PCIF1: variants seen among roughly 807,000 people sequenced by gnomAD.
PCIF1 encodes phosphorylated CTD interacting factor 1.
In PCIF1, 12 loss-of-function variants were observed where a neutral mutation model predicts 86.9. That is an observed-to-expected ratio of 0.14 (90% CI 0.09 to 0.22). PCIF1 has a LOEUF of 0.22. PCIF1 is among the 10% of genes least tolerant of loss of function. The probability of loss-of-function intolerance (pLI) is 1.00; values close to 1 mark genes in which losing one functional copy is unlikely to be tolerated. For synonymous variants in PCIF1, 397 were observed against 372.0 expected, an observed-to-expected ratio of 1.07 and a Z score of -0.77; for missense variants, 701 against 951.1, an observed-to-expected ratio of 0.74 and a Z score of 3.46.
rs1417776322 is a variant in PCIF1 at position 45,943,051 on chromosome 20, A to C, written c.674-46A>C. 4 of 1,590,324 alleles carry C rather than the reference A, an allele frequency of 2.5e-6. 1 individual carries two copies. The highest frequency in any genetic ancestry group is 3.4e-6 in the Non-Finnish European group (4 of 1,162,858). Reference sequence around the variant, plus strand: ...CTATACGTGCCAAGCTCCAAGTGGGACTGCTTGATTAAATCCAGGCCTTCA... The same window carrying C: ...CTATACGTGCCAAGCTCCAAGTGGGCCTGCTTGATTAAATCCAGGCCTTCA... On this transcript the variant is annotated intron_variant, in intron 7 of 16. Transcript: ENST00000372409. This position sits in a 1 kb window ranked among gnomAD's most constrained non-coding sequence, Gnocchi z 5.5.
chr20:45,936,759 C>T (rs536917458), intron 1 of PCIF1, among the ~76,000 whole-genome samples: 3 of 152,092 alleles, frequency 2.0e-5, no homozygotes, highest in South Asian at 2.1e-4. Context: ...GGTGAAATCC[C>T]GTCTCTACTA....
Position 45,941,315 on chromosome 20 carries a change from A to G in PCIF1, c.673+108A>G, listed in dbSNP as rs1213794094. On this transcript the variant is annotated intron_variant, in intron 7 of 16. Coordinates refer to ENST00000372409, the MANE Select transcript of PCIF1 (RefSeq NM_022104.4). ...GCGGAGTGGGGCCCAGTGGTGAGCC[A>G]TGATCACACCAGTGCACTCCAGCCT... 1.7e-5 allele frequency: 22 copies of G among 1,332,186 alleles called. No individual in the cohort carries two copies. In the Middle Eastern group the frequency reaches 1.4e-3, roughly 83 times the overall value. 82.5% of individuals were successfully genotyped at this position (1,332,186 alleles called of 1,614,324 possible). A position where few individuals can be genotyped will look rare whatever the true frequency, so the allele number is the denominator to read the frequency against.
intron 2 of PCIF1, among the ~76,000 whole-genome samples, chr20:45,938,192 T>G (rs979907267): frequency 6.6e-6 from 1 of 152,242 alleles, no homozygotes; most frequent in Non-Finnish European, 1.5e-5. Flanking sequence ...GGAACTGGCC[T>G]CCTTGCTGGT....
rs1393891637 is a variant in PCIF1, at chr20:45,944,903, C to G, written c.1041C>G (p.Pro347=). 8 of 1,614,116 alleles carry G rather than the reference C, an allele frequency of 5.0e-6. No individual in the cohort carries two copies. The Admixed American group carries it at 1.3e-4, about 27-fold the overall frequency. The change falls in exon 11 of 17, where the codon CCC becomes CCG. Residue 347 remains proline (P), a synonymous_variant. Transcript: ENST00000372409. ...AGCATCTGCGGAGGCAGTGTGGCCC[C>G]CACGTCTCGGCCGCAGCCAAGGACT... The part of the protein sequence containing the change: ...RLEHLRRQCG[P]HVSAAAKDSV...
intron 14 of PCIF1, 48 bp downstream of exon 14, chr20:45,946,432 C>A: frequency 6.3e-7 from 1 of 1,588,288 alleles, no homozygotes; most frequent in Non-Finnish European, 8.6e-7. Context: ...AAGAGGTCCT[C>A]CAGAGCACAG....
rs1388941075 is a variant in PCIF1 at position 45,945,771 on chromosome 20, C to T, written c.1229C>T (p.Ala410Val). 3.7e-6 allele frequency: 6 copies of T among 1,613,956 alleles called. No homozygotes were observed. The highest frequency in any genetic ancestry group is 5.1e-6 in the Non-Finnish European group (6 of 1,180,034). The change falls in exon 12 of 17, where the codon GCT (alanine) becomes GTT (valine). Residue 410 changes from alanine (A) to valine (V), a missense_variant. This residue lies in a region of PCIF1 where 121 missense variants were observed against 131.7 expected (regional missense o/e 0.92). Coordinates refer to ENST00000372409, the MANE Select transcript of PCIF1 (RefSeq NM_022104.4). ...RLVYCYPVRL[A>V]VSAPPMPSVE... ...GTGTACTGCTACCCAGTCCGGCTGGCTGTGTCTGCACCGCCCATGCCCAGC... is the reference window on the plus strand; with the variant it reads ...GTGTACTGCTACCCAGTCCGGCTGGTTGTGTCTGCACCGCCCATGCCCAGC...
At chr20:45,940,354 C>T in intron 4 of PCIF1, 121 bp from the exon 5 acceptor site, 12 of 1,282,572 alleles carry the variant, frequency 9.4e-6, no homozygotes, top group Non-Finnish European at 1.1e-5. Context: ...CTGCCTGTAT[C>T]CCAGCTCCTC....
chr20:45,947,413 A>T lies in PCIF1; in HGVS notation c.1858A>T (p.Ser620Cys), dbSNP rs775640126. ...GCCTGCCTTTGAGCATGAGTACCGC[A>T]GTGGCTCCCAGCACATCTGCAAGAA... Reference protein sequence around the residue: ...ILPAFEHEYRSGSQHICKKEE... With the variant: ...ILPAFEHEYRCGSQHICKKEE... The change falls in exon 16 of 17, where the codon AGT becomes TGT. Residue 620 changes from serine to cysteine, a missense_variant. By Grantham distance (112) the Ser-to-Cys change is moderately radical. Around this residue, in one of 7 missense-constraint regions of PCIF1, gnomAD observed 174 missense variants for 206.9 expected, o/e 0.84. Coordinates refer to ENST00000372409, the MANE Select transcript of PCIF1 (RefSeq NM_022104.4). The surrounding 1 kb of genome is among the most constrained non-coding windows in gnomAD (Gnocchi z 5.4). 3 of 1,613,954 alleles carry T rather than the reference A, an allele frequency of 1.9e-6. No individual in the cohort carries two copies. Among genetic ancestry groups the T allele is most frequent in the Non-Finnish European group, 2.5e-6 (3 of 1,180,024 alleles).
At chr20:45,935,430 G>C (rs2083415521) in intron 1 of PCIF1, among the ~76,000 whole-genome samples, 1 of 152,146 alleles carries the variant, frequency 6.6e-6, no homozygotes, top group African/African-American at 2.4e-5. Flanking sequence ...CTCAAACTGC[G>C]GTATGCGTGG....
At chr20:45,942,323 T>C (rs1358826967) in intron 7 of PCIF1, among the ~76,000 whole-genome samples, 1 of 130,190 alleles carries the variant, frequency 7.7e-6, no homozygotes, top group African/African-American at 3.2e-5. Context: ...TTTTTTTTTT[T>C]CTTTTTCTAA....
intron 10 of PCIF1, among the ~76,000 whole-genome samples, chr20:45,944,444 G>A (rs916697590): frequency 7.9e-5 from 12 of 152,202 alleles, no homozygotes; most frequent in Non-Finnish European, 1.5e-4. Context: ...TCTCAAGTCT[G>A]CAGCAACCAA....
At chr20:45,945,193 G>T in intron 11 of PCIF1, among the ~76,000 whole-genome samples, 163 bp downstream of exon 11, 1 of 152,220 alleles carries the variant, frequency 6.6e-6, no homozygotes, top group East Asian at 1.9e-4. Flanking sequence ...GTGATAAAGG[G>T]AGAGCCAGAT....
chr20:45,942,502 A>G (rs2083481087), intron 7 of PCIF1, among the ~76,000 whole-genome samples: 1 of 150,370 alleles, frequency 6.7e-6, no homozygotes, highest in South Asian at 2.1e-4. Context: ...TTTAGTAGAG[A>G]TGGGTTTTTT....
chr20:45,947,851 A>G lies in PCIF1; in HGVS notation c.*96A>G. On this transcript the variant is annotated 3_prime_UTR_variant, in exon 17 of 17. Coordinates refer to ENST00000372409, the MANE Select transcript of PCIF1 (RefSeq NM_022104.4). This position sits in a 1 kb window ranked among gnomAD's most constrained non-coding sequence, Gnocchi z 5.4. ...CAGAGGGACCCCGGCTGCCACTGACATATGAAGATTATGGTTCTGCCAGGG... is the reference window on the plus strand; with the variant it reads ...CAGAGGGACCCCGGCTGCCACTGACGTATGAAGATTATGGTTCTGCCAGGG... The G allele has an allele frequency of 1.3e-6, 2 of 1,539,182 alleles. No individual in the cohort carries two copies. The highest frequency in any genetic ancestry group is 1.7e-6 in the Non-Finnish European group (2 of 1,152,678).
intron 7 of PCIF1, among the ~76,000 whole-genome samples, chr20:45,942,766 C>CTTTTTTTTTTT (rs780815783): frequency 5.6e-5 from 4 of 71,744 alleles, no homozygotes; most frequent in Non-Finnish European, 8.1e-5. Flanking sequence ...CAGCTAATTT[C>CTTTTTTTTTTT]TTTTTTTTTT....
At chr20:45,937,226 C>A (rs2083434651) in intron 1 of PCIF1, among the ~76,000 whole-genome samples, 192 bp from the exon 2 acceptor site, 1 of 152,184 alleles carries the variant, frequency 6.6e-6, no homozygotes. Context: ...CCGTGCAGGT[C>A]ACATGCCCAT....
rs1335373259 is a variant in PCIF1 at position 45,947,759 on chromosome 20, A to G, written c.*4A>G. 1 of 1,594,926 alleles carries G rather than the reference A, an allele frequency of 6.3e-7. No individual in the cohort carries two copies. The highest frequency in any genetic ancestry group is 1.1e-5 in the South Asian group (1 of 90,012). On this transcript the variant is annotated 3_prime_UTR_variant, in exon 17 of 17. Transcript: ENST00000372409. This position sits in a 1 kb window ranked among gnomAD's most constrained non-coding sequence, Gnocchi z 5.4. ...CCGCGAGCCTCACCCCACTTAACAT[A>G]TCCTGCGGGGAGGAGGAGCCCCAGG... is the stretch of plus-strand genomic sequence containing the variant.
chr20:45,945,276 C>G (rs887113879), intron 11 of PCIF1, among the ~76,000 whole-genome samples: 2 of 152,230 alleles, frequency 1.3e-5, no homozygotes, highest in African/African-American at 4.8e-5. Context: ...GCAAGCCTTA[C>G]TTTCCCCAGA....
At chr20:45,937,231 GC>G (rs1239848894) in intron 1 of PCIF1, among the ~76,000 whole-genome samples, 186 bp from the exon 2 acceptor site, 1 of 152,204 alleles carries the variant, frequency 6.6e-6, no homozygotes, top group Non-Finnish European at 1.5e-5. Flanking sequence ...CAGGTCACAT[GC>G]CCATGAAAGC....
Sources: gnomAD v4.1 joint callset for allele counts (sites outside exome capture counted in the v4.1 genomes callset) on GRCh38, gnomAD v4.1.1 for gene constraint, gnomAD v4.1.1 regional missense constraint, Gnocchi (gnomAD v3.1) non-coding constraint, MANE v1.5 for transcripts, NCBI Gene and HGNC (gene_info 2026-07-23, HGNC 2026-07-21) for gene names.